Variants in LIPG observed in about 807,000 individuals in gnomAD.
The protein encoded by LIPG is lipase G, endothelial type, also known as endothelial lipase.
In LIPG, 34 loss-of-function variants were observed where a neutral mutation model predicts 51.8. The observed-to-expected ratio is 0.66, with a 90% CI of 0.50 to 0.87. The LOEUF is 0.87. LIPG is among the 40% of genes least tolerant of loss of function. LIPG has a pLI of 0.00. For missense variants in LIPG, 580 were observed against 652.7 expected (o/e 0.89, Z 1.21); for synonymous variants, 246 against 246.1 (o/e 1.00, Z 0.00).
chr18:49,583,526 G>T, intron 7 of LIPG, 30 bp from the exon 8 acceptor site: 1 of 1,592,148 alleles, frequency 6.3e-7, no homozygotes, highest in Non-Finnish European at 8.6e-7. Flanking sequence ...GCTGTTAGGG[G>T]AGTGAGATCA....
At chr18:49,579,764 C>CTTTCT (rs60357456) in intron 5 of LIPG, among the ~76,000 whole-genome samples, 7,115 of 111,956 alleles carry the variant, frequency 0.064, 326 homozygotes, top group East Asian at 0.09. Context: ...CTTTCCTTTC[C>CTTTCT]TTTCTTTTCT....
intron 9 of LIPG, among the ~76,000 whole-genome samples, chr18:49,588,004 G>A (rs1322487474): frequency 6.6e-6 from 1 of 152,074 alleles, no homozygotes; most frequent in African/African-American, 2.4e-5. Flanking sequence ...TGCCCAGTCT[G>A]GTCTTGAACT....
At chr18:49,575,211 G>A (rs1328693836) in intron 4 of LIPG, among the ~76,000 whole-genome samples, 158 bp from the exon 5 acceptor site, 3 of 152,212 alleles carry the variant, frequency 2.0e-5, no homozygotes, top group Non-Finnish European at 4.4e-5. Flanking sequence ...ATATGGAAAT[G>A]GGTTTCTTAT....
intron 9 of LIPG, among the ~76,000 whole-genome samples, chr18:49,588,022 T>A (rs1259067060): frequency 6.6e-6 from 1 of 152,104 alleles, no homozygotes; most frequent in East Asian, 1.9e-4. Context: ...ACTCCATGGC[T>A]CAAGTGATCC....
At chr18:49,568,609 G>C (rs1479803381) in intron 3 of LIPG, among the ~76,000 whole-genome samples, 1 of 151,678 alleles carries the variant, frequency 6.6e-6, no homozygotes, top group East Asian at 1.9e-4. Flanking sequence ...TCTAACTCCT[G>C]ACCTCAGGTG....
intron 8 of LIPG, among the ~76,000 whole-genome samples, chr18:49,586,454 A>C (rs2084880868): frequency 6.6e-6 from 1 of 151,240 alleles, no homozygotes; most frequent in Admixed American, 6.6e-5. Context: ...GGCAGTCAGG[A>C]AGGCTTCTGA....
In LIPG at chr18:49,577,491, G is replaced by A. The variant is rs1394801885; in HGVS notation, c.793+1901G>A. On this transcript the variant is annotated intron_variant, in intron 5 of 9. Coordinates refer to ENST00000261292, the MANE Select transcript of LIPG (RefSeq NM_006033.4). ...CTTTCCCGCCTTTCTATTCCACAAAGCCGCCATTGTCATCCTGGCCCGTTC... is the reference window on the plus strand; with the variant it reads ...CTTTCCCGCCTTTCTATTCCACAAAACCGCCATTGTCATCCTGGCCCGTTC... Among the ~76,000 whole-genome samples, 12 of 147,312 alleles carry A rather than the reference G, an allele frequency of 8.1e-5. No homozygotes were observed. The South Asian group carries it at 1.7e-3, about 21-fold the overall frequency.
At position 49,581,998 on chromosome 18, in the gene LIPG, G is replaced by A. The variant is rs149669733; in HGVS notation, c.1036+341G>A. ...GATGAACAGGGGACCAAAATGACAT[G>A]TTACATTTTTATAATGTGCTGTAAA... is the stretch of plus-strand genomic sequence containing the variant. On this transcript the variant is annotated intron_variant, in intron 6 of 9. Coordinates refer to ENST00000261292, the MANE Select transcript of LIPG (RefSeq NM_006033.4). 109 of 580,336 alleles carry A rather than the reference G, an allele frequency of 1.9e-4. No individual in the cohort carries two copies. The African/African-American group carries it at 1.9e-3, about 10-fold the overall frequency. 35.9% of individuals were successfully genotyped at this position (580,336 alleles called of 1,614,324 possible).
rs1227274771 is a variant in LIPG, at chr18:49,577,953, C to T, written c.793+2363C>T. Among the ~76,000 whole-genome samples, 126 of 123,120 alleles carry T rather than the reference C, an allele frequency of 1.0e-3. 2 individuals are homozygous for T. Among genetic ancestry groups the T allele is most frequent in the African/African-American group, 4.0e-3 (118 of 29,592 alleles). The allele number at this position is 123,120 out of a possible 152,430, so 80.8% of individuals were successfully genotyped here. On this transcript the variant is annotated intron_variant, in intron 5 of 9. Coordinates refer to ENST00000261292, the MANE Select transcript of LIPG (RefSeq NM_006033.4). ...GGCGCCCCTCACCTCCTGGACGGGG[C>T]GGCTGGCCGGGCAGGGGGCTGACCC...
chr18:49,577,706 A>C (rs868545248), intron 5 of LIPG, among the ~76,000 whole-genome samples: 18,598 of 54,776 alleles, frequency 0.34, 4,139 homozygotes, highest in African/African-American at 0.62. Context: ...CTGACCCCCC[A>C]ACCTCCCTCC....
rs1255053223 is a variant in LIPG at position 49,590,592 on chromosome 18, AC to A, written c.*71del. On this transcript the variant is annotated 3_prime_UTR_variant, in exon 10 of 10. Transcript: ENST00000261292. Reference sequence around the variant, plus strand: ...CTATCCAAGCCCATGGAGGAAAGTTACTGCTGAGGACCCACCCAATGGAAGG... The same window carrying A: ...CTATCCAAGCCCATGGAGGAAAGTTATGCTGAGGACCCACCCAATGGAAGG... The A allele has an allele frequency of 6.9e-7, 1 of 1,444,106 alleles. No homozygotes were observed. The highest frequency in any genetic ancestry group is 9.6e-7 in the Non-Finnish European group (1 of 1,046,516). The allele number at this position is 1,444,106 out of a possible 1,614,324, so 89.5% of individuals were successfully genotyped here. A position where few individuals can be genotyped will look rare whatever the true frequency, so the allele number is the denominator to read the frequency against.
At position 49,562,063 on chromosome 18, in the gene LIPG, G is replaced by A. The variant is rs770342300; in HGVS notation, c.-246G>A. 5.6e-6 allele frequency: 8 copies of A among 1,439,658 alleles called. No homozygotes were observed. Among genetic ancestry groups the A allele is most frequent in the Non-Finnish European group, 7.2e-6 (8 of 1,104,660 alleles). 89.2% of individuals were successfully genotyped at this position (1,439,658 alleles called of 1,614,324 possible). ...ACCTCTATAGGAGCGTGACAGCAGCGAGTCCTTGCCTCCCGGCGGCTCAGG... is the reference window on the plus strand; with the variant it reads ...ACCTCTATAGGAGCGTGACAGCAGCAAGTCCTTGCCTCCCGGCGGCTCAGG... On this transcript the variant is annotated 5_prime_UTR_variant, in exon 1 of 10. Coordinates refer to ENST00000261292, the MANE Select transcript of LIPG (RefSeq NM_006033.4).
chr18:49,593,715 G>T lies in LIPG; in HGVS notation c.*3193G>T, dbSNP rs746133870. 2 of 152,210 alleles carry T rather than the reference G, an allele frequency of 1.3e-5. No individual in the cohort carries two copies. Among genetic ancestry groups the T allele is most frequent in the Non-Finnish European group, 2.9e-5 (2 of 68,044 alleles). The allele number at this position is 152,210 out of a possible 1,614,324, so 9.4% of individuals were successfully genotyped here. ...GCCAATGGAAAGCCAGAAAAGGGAA[G>T]GGATGAACAGTCTCCTCTTAAAGAC... On this transcript the variant is annotated 3_prime_UTR_variant, in exon 10 of 10. Transcript: ENST00000261292.
At chr18:49,585,494 A>G (rs1455586017) in intron 8 of LIPG, among the ~76,000 whole-genome samples, 3 of 152,266 alleles carry the variant, frequency 2.0e-5, no homozygotes, top group African/African-American at 7.2e-5. Context: ...TTTATCCAAA[A>G]CATAAAGATC....
Position 49,591,029 on chromosome 18 carries a change from A to C in LIPG, c.*507A>C. 4.4e-6 allele frequency: 1 copy of C among 229,178 alleles called. No individual in the cohort carries two copies. Among genetic ancestry groups the C allele is most frequent in the East Asian group, 1.0e-4 (1 of 9,968 alleles). 14.2% of individuals were successfully genotyped at this position (229,178 alleles called of 1,614,324 possible). ...AGCTGTTGGGGTTCTCATGGGTTGC[A>C]CTGACCATACTGCTTACGTCTTAGC... On this transcript the variant is annotated 3_prime_UTR_variant, in exon 10 of 10. Transcript: ENST00000261292.
At chr18:49,590,247 A>T (rs1437651325) in intron 9 of LIPG, 1 of 596,030 alleles carries the variant, frequency 1.7e-6, no homozygotes. Flanking sequence ...AAGAACTGTG[A>T]TGTACTCAAC....
intron 6 of LIPG, among the ~76,000 whole-genome samples, chr18:49,582,134 C>T (rs1033743106): frequency 3.3e-5 from 5 of 152,174 alleles, no homozygotes; most frequent in African/African-American, 4.8e-5. Context: ...TAGAAAGTAG[C>T]TAAGTGAAAA....
At position 49,586,789 on chromosome 18, in the gene LIPG, C is replaced by G. The variant is rs569935561; in HGVS notation, c.1420C>G (p.Pro474Ala). The part of the protein sequence containing the change: ...TEDPENTSIS[P>A]GRELWFRKCR... ...AGACCCTGAGAACACCAGCATATCC[C>G]CAGGCCGGGAGCTCTGGTTTCGCAA... Residue 474 changes from proline to alanine, a missense_variant, in exon 9 of 10, where the codon CCA becomes GCA. Physicochemically the swap from Pro to Ala is conservative, Grantham distance 27. Transcript: ENST00000261292. 3 of 1,614,140 alleles carry G rather than the reference C, an allele frequency of 1.9e-6. No homozygotes were observed. Among genetic ancestry groups the G allele is most frequent in the African/African-American group, 2.7e-5 (2 of 75,036 alleles).
chr18:49,566,039 A>G (rs1008074168), intron 2 of LIPG, among the ~76,000 whole-genome samples: 1 of 152,252 alleles, frequency 6.6e-6, no homozygotes, highest in African/African-American at 2.4e-5. Context: ...AAAGGGCTTT[A>G]GTGCTCAGCT....
Sources: gnomAD v4.1 joint callset for allele counts (sites outside exome capture counted in the v4.1 genomes callset) on GRCh38, gnomAD v4.1.1 for gene constraint, MANE v1.5 for transcripts, NCBI Gene and HGNC (gene_info 2026-07-23, HGNC 2026-07-21) for gene names.